The following ZFP1 variants were observed in gnomAD, a reference collection of about 807,000 sequenced individuals.
The protein encoded by ZFP1 is ZFP1 zinc finger protein.
Under a neutral mutation model 38.5 loss-of-function variants are expected in ZFP1, and 32 were observed. The observed-to-expected ratio is 0.83, with a 90% CI of 0.63 to 1.12. The LOEUF is 1.12. Ranked by LOEUF, ZFP1 falls within the 50% of genes most tolerant of loss-of-function variation. ZFP1 has a pLI of 0.00. For synonymous variants in ZFP1, 245 were observed against 168.8 expected, an observed-to-expected ratio of 1.45 and a Z score of -3.50; for missense variants, 616 against 480.8, an observed-to-expected ratio of 1.28 and a Z score of -2.63.
At position 75,155,883 on chromosome 16, in the gene ZFP1, G is replaced by T. The variant is rs1413452405; in HGVS notation, c.15+2917G>T. Among the ~76,000 whole-genome samples the T allele has an allele frequency of 2.6e-5, 4 of 152,062 alleles. No homozygotes were observed. In the East Asian group the frequency reaches 5.8e-4, roughly 22 times the overall value. On this transcript the variant is annotated intron_variant, in intron 2 of 3. Transcript: ENST00000570010. ...AAATTTAGTTAACAAACTATAACTGGAATTAATATTGCCTTGGTTTGCATA... is the reference window on the plus strand; with the variant it reads ...AAATTTAGTTAACAAACTATAACTGTAATTAATATTGCCTTGGTTTGCATA...
At chr16:75,140,791 C>A in the ZFP1 span, among the ~76,000 whole-genome samples, 1 of 152,174 alleles carries the variant, frequency 6.6e-6, no homozygotes, top group Non-Finnish European at 1.5e-5. Context: ...AACCCCGTCT[C>A]TACTAAAAAT....
At chr16:75,165,639 G>A (rs949931340) in intron 2 of ZFP1, among the ~76,000 whole-genome samples, 2 of 151,976 alleles carry the variant, frequency 1.3e-5, no homozygotes, top group African/African-American at 2.4e-5. Flanking sequence ...CGCCCACCTC[G>A]GCTTCCTAAA....
chr16:75,130,564 C>T, the ZFP1 span, among the ~76,000 whole-genome samples: 1 of 152,184 alleles, frequency 6.6e-6, no homozygotes, highest in African/African-American at 2.4e-5. Context: ...TCACCCAACT[C>T]CTGAGATCTT....
At chr16:75,159,845 G>C (rs915396831) in intron 2 of ZFP1, among the ~76,000 whole-genome samples, 1 of 152,178 alleles carries the variant, frequency 6.6e-6, no homozygotes, top group African/African-American at 2.4e-5. Flanking sequence ...TCCCATTGGG[G>C]CATGTTTTAA....
chr16:75,139,267 G>A, the ZFP1 span, among the ~76,000 whole-genome samples: 2 of 149,964 alleles, frequency 1.3e-5, no homozygotes, highest in South Asian at 4.2e-4. Flanking sequence ...TACTCGGGAG[G>A]CTGAGGCAGG....
At chr16:75,153,443 C>T (rs532287366) in intron 2 of ZFP1, among the ~76,000 whole-genome samples, 1 of 152,282 alleles carries the variant, frequency 6.6e-6, no homozygotes, top group East Asian at 1.9e-4. Flanking sequence ...CTTTCCAGAG[C>T]TTATTTGTAC....
chr16:75,170,515 G>C lies in ZFP1; in HGVS notation c.*181G>C, dbSNP rs2038367399. ...TACTGGAAGTTACATGTGATACCCA[G>C]CTAAAGAATACATATCAGAATATAT... is the stretch of plus-strand genomic sequence containing the variant. On this transcript the variant is annotated 3_prime_UTR_variant, in exon 4 of 4. Coordinates refer to ENST00000570010, the MANE Select transcript of ZFP1 (RefSeq NM_153688.4). 3.5e-6 allele frequency: 3 copies of C among 868,282 alleles called. No individual in the cohort carries two copies. Among genetic ancestry groups the C allele is most frequent in the Non-Finnish European group, 1.6e-6 (1 of 621,726 alleles). 53.8% of individuals were successfully genotyped at this position (868,282 alleles called of 1,614,324 possible). A position where few individuals can be genotyped will look rare whatever the true frequency, so the allele number is the denominator to read the frequency against.
At chr16:75,131,380 C>T in the ZFP1 span, among the ~76,000 whole-genome samples, 13 of 152,084 alleles carry the variant, frequency 8.5e-5, 1 homozygote, top group Non-Finnish European at 1.2e-4. Flanking sequence ...TCACCCTCCC[C>T]GGGGCAGAGC....
At chr16:75,120,154 T>A in the ZFP1 span, among the ~76,000 whole-genome samples, 1 of 152,220 alleles carries the variant, frequency 6.6e-6, no homozygotes, top group African/African-American at 2.4e-5. Context: ...GGTGTGTGTG[T>A]GTGTGCGCAT....
chr16:75,170,383 G>A lies in ZFP1; in HGVS notation c.*49G>A. On this transcript the variant is annotated 3_prime_UTR_variant, in exon 4 of 4. Coordinates refer to ENST00000570010, the MANE Select transcript of ZFP1 (RefSeq NM_153688.4). ...GAAAACTCCTGCCAGAACTCTTCAA[G>A]CGGGTGAAAAACCTCATGACAGTAT... 6.6e-7 allele frequency: 1 copy of A among 1,511,072 alleles called. No homozygotes were observed. The highest frequency in any genetic ancestry group is 8.8e-7 in the Non-Finnish European group (1 of 1,130,424). The allele number at this position is 1,511,072 out of a possible 1,614,324, so 93.6% of individuals were successfully genotyped here. A position where few individuals can be genotyped will look rare whatever the true frequency, so the allele number is the denominator to read the frequency against.
the ZFP1 span, among the ~76,000 whole-genome samples, chr16:75,136,111 C>G: frequency 1.3e-5 from 2 of 152,218 alleles, no homozygotes; most frequent in Non-Finnish European, 2.9e-5. Flanking sequence ...CCACCACGCC[C>G]AGCTAAGGCA....
intron 2 of ZFP1, among the ~76,000 whole-genome samples, chr16:75,165,763 T>TA (rs1405113303): frequency 6.6e-6 from 1 of 152,140 alleles, no homozygotes; most frequent in East Asian, 1.9e-4. Flanking sequence ...TTGCTGGTTT[T>TA]AAAACTATAG....
chr16:75,126,213 G>T, the ZFP1 span: 2 of 151,722 alleles, frequency 1.3e-5, no homozygotes, highest in Admixed American at 1.3e-4. Context: ...GCAGTGGCAC[G>T]ATCTCGGTTC....
intron 2 of ZFP1, among the ~76,000 whole-genome samples, chr16:75,165,606 G>T (rs1002930969): frequency 6.6e-6 from 1 of 152,028 alleles, no homozygotes; most frequent in African/African-American, 2.4e-5. Context: ...TCTTTGCCAG[G>T]TTGGTCCCGA....
chr16:75,169,811 A>C lies in ZFP1; in HGVS notation c.701A>C (p.His234Pro), dbSNP rs1292669058. 1.2e-6 allele frequency: 2 copies of C among 1,614,156 alleles called. No individual in the cohort carries two copies. Among genetic ancestry groups the C allele is most frequent in the Admixed American group, 3.3e-5 (2 of 60,010 alleles). Residue 234 changes from histidine to proline, a missense_variant, in exon 4 of 4, where the codon CAC becomes CCC. Coordinates refer to ENST00000570010, the MANE Select transcript of ZFP1 (RefSeq NM_153688.4). ...AACCTCATCAAACATCAGAGAATTC[A>C]CACTGGGGAGAAACCTTTCGAGTGT... ...KANLIKHQRI[H>P]TGEKPFECPE...
the ZFP1 span, chr16:75,128,097 A>C: frequency 6.6e-6 from 1 of 152,242 alleles, no homozygotes; most frequent in African/African-American, 2.4e-5. Flanking sequence ...TAAGGAATCA[A>C]ACTTCACTTA....
At chr16:75,133,222 C>T in the ZFP1 span, among the ~76,000 whole-genome samples, 3 of 152,176 alleles carry the variant, frequency 2.0e-5, no homozygotes, top group African/African-American at 7.2e-5. Context: ...GGTGATCTGC[C>T]CGCTTTGGCC....
chr16:75,126,828 G>A, the ZFP1 span, among the ~76,000 whole-genome samples: 2 of 152,084 alleles, frequency 1.3e-5, no homozygotes, highest in Non-Finnish European at 2.9e-5. Context: ...GACCTAACTA[G>A]TCTTTTAAAA....
intron 2 of ZFP1, among the ~76,000 whole-genome samples, chr16:75,161,774 AT>A (rs200925992): frequency 5.1e-4 from 4 of 7,820 alleles, no homozygotes; most frequent in African/African-American, 7.8e-4. Flanking sequence ...ATATATATAT[AT>A]TTTTTTTTTT....
Sources: allele counts gnomAD v4.1 joint callset (sites outside exome capture counted in the v4.1 genomes callset), GRCh38; gene constraint gnomAD v4.1.1; transcripts MANE v1.5; gene names NCBI Gene and HGNC (gene_info 2026-07-23, HGNC 2026-07-21).